SPANXN1: variants seen among roughly 807,000 people sequenced by gnomAD.
SPANXN1 encodes the protein sperm protein associated with the nucleus on the X chromosome N1.
SPANXN1 carries 1 observed loss-of-function variant against 2.0 expected under a neutral mutation model. That is an observed-to-expected ratio of 0.50 (90% CI 0.18 to 2.36). The LOEUF is 2.36. Among genes scored for constraint, SPANXN1 ranks in the 30% most tolerant of loss-of-function variants. The pLI is 0.26. For missense variants in SPANXN1, 55 were observed against 51.8 expected (o/e 1.06, Z -0.19); for synonymous variants, 27 against 21.3 (o/e 1.27, Z -0.74).
intron 1 of SPANXN1, among the ~76,000 whole-genome samples, chrX:145,253,543 CT>C (rs1448147463): frequency 9.0e-6 from 1 of 110,736 alleles, no homozygotes; most frequent in African/African-American, 3.3e-5. Flanking sequence ...TAGTTGTGAC[CT>C]TTGGAAGGCA....
At chrX:145,250,186 T>G (rs2070779984) in intron 1 of SPANXN1, among the ~76,000 whole-genome samples, 1 of 112,165 alleles carries the variant, frequency 8.9e-6, no homozygotes, top group Non-Finnish European at 1.9e-5. Context: ...TGACCCATTG[T>G]CTGACTGGAT....
intron 1 of SPANXN1, among the ~76,000 whole-genome samples, chrX:145,254,638 G>T (rs2070800818): frequency 8.9e-6 from 1 of 112,242 alleles, no homozygotes; most frequent in African/African-American, 3.2e-5. Flanking sequence ...CGGTCACCTG[G>T]TGACTGGGGA....
chrX:145,251,930 G>A (rs183327977), intron 1 of SPANXN1, among the ~76,000 whole-genome samples: 144 of 111,387 alleles, frequency 1.3e-3, no homozygotes, highest in Non-Finnish European at 2.0e-3. Flanking sequence ...GGGATGGCTC[G>A]AGAATTAGGG....
At chrX:145,253,771 C>T (rs1556882757) in intron 1 of SPANXN1, among the ~76,000 whole-genome samples, 1 of 110,886 alleles carries the variant, frequency 9.0e-6, no homozygotes, top group Non-Finnish European at 1.9e-5. Flanking sequence ...CCCTGTCCTC[C>T]AGGGTGAGGG....
Position 145,255,789 on chromosome X carries a change from A to G in SPANXN1, c.194A>G (p.Asn65Ser), listed in dbSNP as rs782223349. Reference protein sequence around the residue: ...CYRKAKKIHSNQLENDQS With the variant: ...CYRKAKKIHSSQLENDQS ...AGGAAAGCTAAGAAAATACATTCAAATCAACTGGAGAATGACCAGTCCTGA... is the reference window on the plus strand; with the variant it reads ...AGGAAAGCTAAGAAAATACATTCAAGTCAACTGGAGAATGACCAGTCCTGA... The change falls in exon 2 of 2, where the codon AAT (asparagine) becomes AGT (serine). Residue 65 changes from asparagine (N) to serine (S), a missense_variant. Transcript: ENST00000370493. The G allele has an allele frequency of 4.1e-6, 5 of 1,212,140 alleles. No homozygotes were observed. The highest frequency in any genetic ancestry group is 4.5e-6 in the Non-Finnish European group (4 of 895,619).
intron 1 of SPANXN1, among the ~76,000 whole-genome samples, chrX:145,248,906 A>G (rs1193503147): frequency 9.0e-6 from 1 of 111,698 alleles, no homozygotes; most frequent in African/African-American, 3.3e-5. Flanking sequence ...AGCGCCCTTG[A>G]GTTGGATACA....
intron 1 of SPANXN1, 74 bp from the exon 2 acceptor site, chrX:145,255,597 C>T (rs1168648053): frequency 1.6e-5 from 19 of 1,181,006 alleles, no homozygotes; most frequent in Middle Eastern, 2.4e-4. Context: ...CTCATAAAGC[C>T]CCCCTTGCTA....
chrX:145,249,364 G>C (rs1314336091), intron 1 of SPANXN1, among the ~76,000 whole-genome samples: 3 of 110,922 alleles, frequency 2.7e-5, no homozygotes, highest in Non-Finnish European at 5.7e-5. Context: ...ATTTGAGTAG[G>C]AGTGAAATTT....
In SPANXN1 at chrX:145,255,660, T is replaced by C; in HGVS notation, c.76-11T>C. Reference sequence around the variant, plus strand: ...TAATGTCTTTCTGGCCTCTCCCTGTTTTCTTAACAGATGCAGGAGACACCA... The same window carrying C: ...TAATGTCTTTCTGGCCTCTCCCTGTCTTCTTAACAGATGCAGGAGACACCA... On this transcript the variant is annotated splice_polypyrimidine_tract_variant and intron_variant, in intron 1 of 1. Coordinates refer to ENST00000370493, the MANE Select transcript of SPANXN1 (RefSeq NM_001009614.3). 8.3e-7 allele frequency: 1 copy of C among 1,211,812 alleles called. No homozygotes were observed. Among genetic ancestry groups the C allele is most frequent in the Non-Finnish European group, 1.1e-6 (1 of 895,540 alleles).
chrX:145,247,733 G>C (rs1253946124), intron 1 of SPANXN1, 72 bp downstream of exon 1: 7 of 1,063,638 alleles, frequency 6.6e-6, no homozygotes, highest in Non-Finnish European at 9.1e-6. Context: ...GGCTCAAACA[G>C]CAACACAGGA....
At chrX:145,250,071 GT>G (rs1403100666) in intron 1 of SPANXN1, among the ~76,000 whole-genome samples, 2 of 111,175 alleles carry the variant, frequency 1.8e-5, no homozygotes, top group Non-Finnish European at 3.8e-5. Context: ...TTGGTTAGTT[GT>G]TTTTTATAAA....
At position 145,256,114 on chromosome X, in the gene SPANXN1, G is replaced by A; in HGVS notation, c.*300G>A. ...CTTCACAGGAGGATGAAGACCTAGAGAAAAAGCGATCATCTAGGTCAAGAA... is the reference window on the plus strand; with the variant it reads ...CTTCACAGGAGGATGAAGACCTAGAAAAAAAGCGATCATCTAGGTCAAGAA... On this transcript the variant is annotated 3_prime_UTR_variant, in exon 2 of 2. Transcript: ENST00000370493. 2.2e-6 allele frequency: 1 copy of A among 449,812 alleles called. No homozygotes were observed. The highest frequency in any genetic ancestry group is 3.9e-6 in the Non-Finnish European group (1 of 255,666). 37.1% of individuals were successfully genotyped at this position (449,812 alleles called of 1,213,427 possible).
chrX:145,255,732 C>T lies in SPANXN1; in HGVS notation c.137C>T (p.Ser46Leu), dbSNP rs1556883076. The T allele has an allele frequency of 8.3e-7, 1 of 1,211,962 alleles. No individual in the cohort carries two copies. Among genetic ancestry groups the T allele is most frequent in the South Asian group, 1.8e-5 (1 of 57,021 alleles). Residue 46 changes from serine (S) to leucine (L), a missense_variant, in exon 2 of 2, where the codon TCA becomes TTA. Physicochemically the swap from Ser to Leu is moderately radical, Grantham distance 145 (BLOSUM62 -2). Coordinates refer to ENST00000370493, the MANE Select transcript of SPANXN1 (RefSeq NM_001009614.3). ...CCGAGTTTGAAAAAGATGAAAACGT[C>T]AGAATATTCAACAGTATTAGCGTTT... Reference protein sequence around the residue: ...PEPSLKKMKTSEYSTVLAFCY... With the variant: ...PEPSLKKMKTLEYSTVLAFCY...
chrX:145,249,059 T>G (rs1569479730), intron 1 of SPANXN1, among the ~76,000 whole-genome samples: 1 of 110,644 alleles, frequency 9.0e-6, no homozygotes, highest in African/African-American at 3.3e-5. Context: ...TTTAATGGAT[T>G]GGGGGGAAAG....
Position 145,256,160 on chromosome X carries a change from AT to A in SPANXN1, c.*348del, listed in dbSNP as rs782664413. On this transcript the variant is annotated 3_prime_UTR_variant, in exon 2 of 2. Coordinates refer to ENST00000370493, the MANE Select transcript of SPANXN1 (RefSeq NM_001009614.3). ...AAGAAATGAAATCGAAATTTCAGAA[AT>A]TACAGAAATTCTCCAAGGAAGGAGC... 1.2e-4 allele frequency: 48 copies of A among 405,885 alleles called. No homozygotes were observed. The East Asian group carries it at 2.0e-3, about 17-fold the overall frequency. The allele number at this position is 405,885 out of a possible 1,213,427, so 33.4% of individuals were successfully genotyped here.
chrX:145,253,088 G>A (rs782694648), intron 1 of SPANXN1, among the ~76,000 whole-genome samples: 5 of 111,144 alleles, frequency 4.5e-5, no homozygotes, highest in Admixed American at 1.9e-4. Context: ...CTTCAGGTAC[G>A]GGTGGTGAAG....
Position 145,255,860 on chromosome X carries a change from G to A in SPANXN1, c.*46G>A. 1 of 1,211,804 alleles carries A rather than the reference G, an allele frequency of 8.3e-7. No homozygotes were observed. On this transcript the variant is annotated 3_prime_UTR_variant, in exon 2 of 2. Transcript: ENST00000370493. ...CCAAGAGGAGGAGGACGAAGGCCTA[G>A]ACTCAGCTGAAGGATCTTCAAAGCA...
rs148552730 is a variant in SPANXN1, at chrX:145,255,644, T to C, written c.76-27T>C. On this transcript the variant is annotated intron_variant, in intron 1 of 1. Transcript: ENST00000370493. Reference sequence around the variant, plus strand: ...TCCTATTCACCCAAAATAATGTCTTTCTGGCCTCTCCCTGTTTTCTTAACA... The same window carrying C: ...TCCTATTCACCCAAAATAATGTCTTCCTGGCCTCTCCCTGTTTTCTTAACA... 4,865 of 1,209,067 alleles carry C rather than the reference T, an allele frequency of 4.0e-3. 149 individuals are homozygous for C. The African/African-American group carries it at 0.075, about 19-fold the overall frequency.
Position 145,255,830 on chromosome X carries a change from C to G in SPANXN1, c.*16C>G. The stretch of plus-strand genomic sequence containing the variant: ...CCAGTCCTGAGAGAACTCCATCAAT[C>G]CAGTCCAAGAGGAGGAGGACGAAGG... On this transcript the variant is annotated 3_prime_UTR_variant, in exon 2 of 2. Coordinates refer to ENST00000370493, the MANE Select transcript of SPANXN1 (RefSeq NM_001009614.3). 8.3e-7 allele frequency: 1 copy of G among 1,211,981 alleles called. No individual in the cohort carries two copies. The highest frequency in any genetic ancestry group is 1.8e-5 in the South Asian group (1 of 57,022).
Sources: allele counts gnomAD v4.1 joint callset (sites outside exome capture counted in the v4.1 genomes callset), GRCh38; gene constraint gnomAD v4.1.1; transcripts MANE v1.5; gene names NCBI Gene and HGNC (gene_info 2026-07-23, HGNC 2026-07-21).